Variants in SLC2A8 observed in about 807,000 individuals in gnomAD.
SLC2A8 encodes the protein solute carrier family 2 member 8, also known as solute carrier family 2, facilitated glucose transporter member 8.
Under a neutral mutation model 49.2 loss-of-function variants are expected in SLC2A8, and 53 were observed. The observed-to-expected ratio is 1.08, with a 90% CI of 0.86 to 1.35. The LOEUF is 1.35. SLC2A8 is among the 40% of genes most tolerant of loss of function. The pLI is 0.00. For missense variants in SLC2A8, 688 were observed against 671.7 expected, an observed-to-expected ratio of 1.02 and a Z score of -0.27; for synonymous variants, 299 against 297.0, an observed-to-expected ratio of 1.01 and a Z score of -0.07.
At chr9:127,403,598 A>G in intron 5 of SLC2A8, 62 bp from the exon 6 acceptor site, 1 of 1,603,484 alleles carries the variant, frequency 6.2e-7, no homozygotes, top group East Asian at 2.2e-5. Flanking sequence ...GTAGACCCCC[A>G]GAGGGGGGCC....
chr9:127,398,398 G>T, intron 3 of SLC2A8: 1 of 746,120 alleles, frequency 1.3e-6, no homozygotes, highest in Non-Finnish European at 2.5e-6. Flanking sequence ...CAGGAACCCA[G>T]GGTTGTCCCA....
Position 127,397,367 on chromosome 9 carries a change from TC to T in SLC2A8, c.57-3del. The T allele has an allele frequency of 5.5e-6, 8 of 1,458,506 alleles. No homozygotes were observed. The Admixed American group carries it at 7.8e-5, about 14-fold the overall frequency. 90.3% of individuals were successfully genotyped at this position (1,458,506 alleles called of 1,614,324 possible). A position where few individuals can be genotyped will look rare whatever the true frequency, so the allele number is the denominator to read the frequency against. On this transcript the variant is annotated splice_region_variant and splice_polypyrimidine_tract_variant and intron_variant, in intron 1 of 9. Transcript: ENST00000373371. ...TCCGCTCCGCTCACCCTCGGCCCTG[TC>T]CCCCCAGCGCGCCCCGCGGCCGCCG...
Position 127,398,022 on chromosome 9 carries a change from GTCA to G in SLC2A8, c.341_343del (p.Ile114del), listed in dbSNP as rs775970257. The G allele has an allele frequency of 6.3e-7, 1 of 1,575,834 alleles. No individual in the cohort carries two copies. Among genetic ancestry groups the G allele is most frequent in the South Asian group, 1.1e-5 (1 of 87,424 alleles). ...CGTGCCCTTCGTGGCCGGCTTTGCC[GTCA>G]TCACCGCGGCCCAGGACGTGTGGAT... On this transcript the variant is annotated inframe_deletion, in exon 3 of 10. Transcript: ENST00000373371.
In SLC2A8 at chr9:127,399,371, G is replaced by A. The variant is rs10987635; in HGVS notation, c.427-536G>A. ...CTCGTCATCATATGCAGCCCTCTCCGTTACCCTTAATCCCCTTTAAACACC... is the reference window on the plus strand; with the variant it reads ...CTCGTCATCATATGCAGCCCTCTCCATTACCCTTAATCCCCTTTAAACACC... On this transcript the variant is annotated intron_variant, in intron 3 of 9. Transcript: ENST00000373371. This position sits in a 1 kb window ranked among gnomAD's most constrained non-coding sequence, Gnocchi z 4.2. Among the ~76,000 whole-genome samples, 45,955 of 151,912 alleles carry A rather than the reference G, an allele frequency of 0.3. 7,582 individuals are homozygous for A. The highest frequency in any genetic ancestry group is 0.43 in the Middle Eastern group (127 of 294).
At position 127,397,500 on chromosome 9, in the gene SLC2A8, G is replaced by A; in HGVS notation, c.181G>A (p.Ala61Thr). ...TAGCCTGCAGCGCGCCGCGCCCCCG[G>A]CCCCGCGCCTGGACGACGCCGCCGC... is the stretch of plus-strand genomic sequence containing the variant. The part of the protein sequence containing the change: ...IPSLQRAAPP[A>T]PRLDDAAASW... The change falls in exon 2 of 10, where the codon GCC becomes ACC. Residue 61 changes from alanine to threonine, a missense_variant. Ala to Thr is a moderately conservative substitution (Grantham distance 58). Transcript: ENST00000373371. The A allele has an allele frequency of 6.9e-7, 1 of 1,448,482 alleles. No individual in the cohort carries two copies. Among genetic ancestry groups the A allele is most frequent in the Non-Finnish European group, 9.0e-7 (1 of 1,111,294 alleles). 89.7% of individuals were successfully genotyped at this position (1,448,482 alleles called of 1,614,324 possible). A position where few individuals can be genotyped will look rare whatever the true frequency, so the allele number is the denominator to read the frequency against.
At chr9:127,406,072 CCT>C in intron 9 of SLC2A8, 1 of 518,760 alleles carries the variant, frequency 1.9e-6, no homozygotes, top group South Asian at 1.4e-5. Context: ...AGGTGTGGCC[CCT>C]GTCCCGGGGC....
chr9:127,399,978 C>T lies in SLC2A8; in HGVS notation c.498C>T (p.Val166=), dbSNP rs777639438. 1.9e-6 allele frequency: 3 copies of T among 1,613,752 alleles called. No homozygotes were observed. Among genetic ancestry groups the T allele is most frequent in the Non-Finnish European group, 2.5e-6 (3 of 1,179,804 alleles). ...GCTCCTGTGTGCAGCTAATGGTCGT[C>T]GTCGGCATCCTCCTGGCCTACCTGG... The part of the protein sequence containing the change: ...LLGSCVQLMV[V]VGILLAYLAG... Residue 166 remains valine, a synonymous_variant, in exon 4 of 10, where the codon GTC becomes GTT. Coordinates refer to ENST00000373371, the MANE Select transcript of SLC2A8 (RefSeq NM_014580.5). This position sits in a 1 kb window ranked among gnomAD's most constrained non-coding sequence, Gnocchi z 4.2.
chr9:127,407,622 T>C lies in SLC2A8; in HGVS notation c.*373T>C, dbSNP rs572603707. The C allele has an allele frequency of 6.7e-5, 24 of 360,374 alleles. No individual in the cohort carries two copies. Among genetic ancestry groups the C allele is most frequent in the Non-Finnish European group, 1.2e-4 (20 of 173,216 alleles). The allele number at this position is 360,374 out of a possible 1,614,324, so 22.3% of individuals were successfully genotyped here. A position where few individuals can be genotyped will look rare whatever the true frequency, so the allele number is the denominator to read the frequency against. ...TCGCTCCTCTCACGCGGCTGCCTTATCGGGAAGGAAATTTGTTTGCCAAAT... is the reference window on the plus strand; with the variant it reads ...TCGCTCCTCTCACGCGGCTGCCTTACCGGGAAGGAAATTTGTTTGCCAAAT... On this transcript the variant is annotated 3_prime_UTR_variant, in exon 10 of 10. Transcript: ENST00000373371.
chr9:127,403,877 A>C, intron 6 of SLC2A8, 74 bp downstream of exon 6: 1 of 1,600,712 alleles, frequency 6.2e-7, no homozygotes, highest in Non-Finnish European at 8.5e-7. Flanking sequence ...CCCAGGGCCC[A>C]GCCATCCAGC....
In SLC2A8 at chr9:127,397,996, C is replaced by G. The variant is rs1833108593; in HGVS notation, c.311C>G (p.Ser104Cys). Residue 104 changes from serine (S) to cysteine (C), a missense_variant, in exon 3 of 10, where the codon TCC becomes TGC. Physicochemically the swap from Ser to Cys is moderately radical, Grantham distance 112. Transcript: ENST00000373371. Reference sequence around the variant, plus strand: ...CGCAAGCTGAGCCTCTTGCTGTGCTCCGTGCCCTTCGTGGCCGGCTTTGCC... The same window carrying G: ...CGCAAGCTGAGCCTCTTGCTGTGCTGCGTGCCCTTCGTGGCCGGCTTTGCC... Reference protein sequence around the residue: ...AGRKLSLLLCSVPFVAGFAVI... With the variant: ...AGRKLSLLLCCVPFVAGFAVI... The G allele has an allele frequency of 1.3e-6, 2 of 1,555,472 alleles. No homozygotes were observed. The highest frequency in any genetic ancestry group is 1.7e-6 in the Non-Finnish European group (2 of 1,157,576).
intron 4 of SLC2A8, among the ~76,000 whole-genome samples, chr9:127,401,599 C>CT (rs1833295869): frequency 6.6e-6 from 1 of 152,226 alleles, no homozygotes; most frequent in South Asian, 2.1e-4. Flanking sequence ...ACCCGTGGCA[C>CT]TATCTTCAGC....
At chr9:127,401,642 C>T (rs1378063715) in intron 4 of SLC2A8, among the ~76,000 whole-genome samples, 1 of 152,220 alleles carries the variant, frequency 6.6e-6, no homozygotes, top group Non-Finnish European at 1.5e-5. Context: ...CTTCTCCTGC[C>T]TTTCCTGATC....
At chr9:127,402,868 A>C in intron 5 of SLC2A8, 115 bp downstream of exon 5, 1 of 1,241,344 alleles carries the variant, frequency 8.1e-7, no homozygotes, top group Non-Finnish European at 1.1e-6. Context: ...GTGCCTATCC[A>C]CCCTCCACCC....
At position 127,399,915 on chromosome 9, in the gene SLC2A8, CT is replaced by C; in HGVS notation, c.436del (p.Ser146ProfsTer18). ...VASLVAPVYISEIAYPAVRGL... is the reference protein window; with the variant it reads ...VASLVAPVYIXEIAYPAVRGL... ...CATCTGATTGCTGGCAGGTCTACAT[CT>C]CCGAAATCGCCTACCCAGCAGTCCG... On this transcript the variant is annotated frameshift_variant, in exon 4 of 10. Coordinates refer to ENST00000373371, the MANE Select transcript of SLC2A8 (RefSeq NM_014580.5). LOFTEE classifies it high-confidence loss of function. The surrounding 1 kb of genome is among the most constrained non-coding windows in gnomAD (Gnocchi z 4.2). 1 of 1,613,546 alleles carries C rather than the reference CT, an allele frequency of 6.2e-7. No homozygotes were observed. The highest frequency in any genetic ancestry group is 8.5e-7 in the Non-Finnish European group (1 of 1,179,686).
intron 9 of SLC2A8, 23 bp from the exon 10 acceptor site, chr9:127,407,089 C>A: frequency 6.2e-7 from 1 of 1,612,040 alleles, no homozygotes; most frequent in South Asian, 1.1e-5. Context: ...CGCGTCCACC[C>A]ATGGCCTTTC....
intron 5 of SLC2A8, 81 bp from the exon 6 acceptor site, chr9:127,403,576 AGCC>A: frequency 6.4e-7 from 1 of 1,555,802 alleles, no homozygotes; most frequent in African/African-American, 1.4e-5. Context: ...GCGCTCCCCA[AGCC>A]TTAGGACAGT....
At chr9:127,404,331 G>A (rs760055709) in intron 7 of SLC2A8, 1 of 408,648 alleles carries the variant, frequency 2.4e-6, no homozygotes, top group South Asian at 3.7e-5. Flanking sequence ...GAAAACTGAG[G>A]GCCAGGAAGG....
rs200900591 is a variant in SLC2A8, at chr9:127,405,426, C to T, written c.1157C>T (p.Ala386Val). ...GCCTGTCTCGCTCCCACAGGCTTTG[C>T]GGTGGGCTGGGGGCCCATCCCCTGG... ...GSMCLFIAGFAVGWGPIPWLL... is the reference protein window; with the variant it reads ...GSMCLFIAGFVVGWGPIPWLL... Residue 386 changes from alanine to valine, a missense_variant, in exon 9 of 10, where the codon GCG becomes GTG. Physicochemically the swap from Ala to Val is moderately conservative, Grantham distance 64. Transcript: ENST00000373371. 1.4e-4 allele frequency: 226 copies of T among 1,612,432 alleles called. No homozygotes were observed. The highest frequency in any genetic ancestry group is 1.8e-4 in the Admixed American group (11 of 59,996).
chr9:127,400,602 G>C (rs1433568462), intron 4 of SLC2A8, among the ~76,000 whole-genome samples: 1 of 152,192 alleles, frequency 6.6e-6, no homozygotes, highest in African/African-American at 2.4e-5. Flanking sequence ...GAGGGCTCCA[G>C]AGGTGGGTGG....
Sources: allele counts gnomAD v4.1 joint callset (sites outside exome capture counted in the v4.1 genomes callset), GRCh38; gene constraint gnomAD v4.1.1; non-coding constraint Gnocchi (gnomAD v3.1); transcripts MANE v1.5; gene names NCBI Gene and HGNC (gene_info 2026-07-23, HGNC 2026-07-21).